The following SPATA6L variants were observed in gnomAD, a reference collection of about 807,000 sequenced individuals.
SPATA6L encodes the protein spermatogenesis associated 6 like.
Under a neutral mutation model 49.2 loss-of-function variants are expected in SPATA6L, and 68 were observed. The ratio of observed to expected loss-of-function variants is 1.38; its 90% CI spans 1.14 to 1.69. The LOEUF is 1.69. Among genes scored for constraint, SPATA6L ranks in the 40% most tolerant of loss-of-function variants. The pLI is 0.00. For missense variants in SPATA6L, 668 were observed against 464.3 expected (o/e 1.44, Z -4.03); for synonymous variants, 198 against 165.7 (o/e 1.19, Z -1.50).
intron 3 of SPATA6L, among the ~76,000 whole-genome samples, chr9:4,653,809 C>G (rs537144464): frequency 6.6e-6 from 1 of 152,078 alleles, no homozygotes; most frequent in South Asian, 2.1e-4. Context: ...TGGTGCTGTG[C>G]GCCTATAGTC....
downstream of SPATA6L, among the ~76,000 whole-genome samples, chr9:4,595,498 A>G (rs573162722): frequency 3.3e-5 from 5 of 152,284 alleles, no homozygotes; most frequent in African/African-American, 1.2e-4. Context: ...ACGGCTTCTT[A>G]TTGTCTACAG....
chr9:4,618,759 TA>T, intron 8 of SPATA6L, 104 bp downstream of exon 8: 1 of 1,047,520 alleles, frequency 9.5e-7, no homozygotes, highest in Non-Finnish European at 1.4e-6. Flanking sequence ...CAATTCCACC[TA>T]AGCAGACTAA....
intron 9 of SPATA6L, among the ~76,000 whole-genome samples, chr9:4,615,849 G>A (rs1440249346): frequency 1.3e-5 from 2 of 152,188 alleles, no homozygotes; most frequent in African/African-American, 2.4e-5. Flanking sequence ...AGGAGTTTGG[G>A]AGGTGTTATA....
At chr9:4,622,571 G>C in intron 6 of SPATA6L, 61 bp from the exon 7 acceptor site, 1 of 1,164,744 alleles carries the variant, frequency 8.6e-7, no homozygotes, top group Admixed American at 2.0e-5. Flanking sequence ...CCCTCCCCTC[G>C]TTACCGGAAT....
At position 4,643,395 on chromosome 9, in the gene SPATA6L, T is replaced by C. The variant is rs79126975; in HGVS notation, c.227-7996A>G. On this transcript the variant is annotated intron_variant, in intron 3 of 11. Coordinates refer to ENST00000682582, the MANE Select transcript of SPATA6L (RefSeq NM_001353486.2). ...TGCACTCCTGGATGCAGTAGAAGTA[T>C]TGGAACCTTATTGGGGATCAGTTTA... 3.0e-3 allele frequency among the ~76,000 whole-genome samples: 460 copies of C among 152,300 alleles called. 1 individual carries two copies. Among genetic ancestry groups the C allele is most frequent in the South Asian group, 3.9e-3 (19 of 4,820 alleles).
intron 11 of SPATA6L, among the ~76,000 whole-genome samples, chr9:4,601,368 GT>G (rs34602065): frequency 1.4e-5 from 2 of 147,072 alleles, no homozygotes; most frequent in African/African-American, 2.5e-5. Flanking sequence ...TTTACGGGAG[GT>G]TTTTTTTTTT....
intron 4 of SPATA6L, among the ~76,000 whole-genome samples, chr9:4,629,565 G>C (rs989652978): frequency 6.6e-6 from 1 of 151,798 alleles, no homozygotes; most frequent in Non-Finnish European, 1.5e-5. Flanking sequence ...AATTGAATGA[G>C]ATTACCTAGA....
intron 3 of SPATA6L, among the ~76,000 whole-genome samples, chr9:4,645,404 G>A (rs890081205): frequency 3.9e-5 from 6 of 152,184 alleles, no homozygotes; most frequent in African/African-American, 1.2e-4. Context: ...TGGAGGCTGA[G>A]AAGTCCATGG....
chr9:4,656,565 C>T (rs1157759376), intron 2 of SPATA6L, among the ~76,000 whole-genome samples: 1 of 152,076 alleles, frequency 6.6e-6, no homozygotes, highest in Non-Finnish European at 1.5e-5. Flanking sequence ...AGTCACATAA[C>T]ATTTTAGAAT....
intron 2 of SPATA6L, among the ~76,000 whole-genome samples, chr9:4,659,427 T>C (rs1839080834): frequency 6.6e-6 from 1 of 151,476 alleles, no homozygotes; most frequent in African/African-American, 2.4e-5. Flanking sequence ...CTATTCACAA[T>C]TGCTTCAAAG....
chr9:4,629,099 T>C lies in SPATA6L; in HGVS notation c.421A>G (p.Arg141Gly). Reference protein sequence around the residue: ...IRECVFLHRNRFLEERHESRR... With the variant: ...IRECVFLHRNGFLEERHESRR... ...ATTTGTATTGTACTTACAAGAAATC[T>C]GTTTCTATGCAGAAACACACATTCT... The change falls in exon 5 of 12, where the codon AGA becomes GGA. Residue 141 changes from arginine to glycine, a missense_variant. Physicochemically the swap from Arg to Gly is moderately radical, Grantham distance 125. Transcript: ENST00000682582. 6.2e-7 allele frequency: 1 copy of C among 1,606,290 alleles called. No individual in the cohort carries two copies. Among genetic ancestry groups the C allele is most frequent in the Non-Finnish European group, 8.5e-7 (1 of 1,175,276 alleles).
At chr9:4,649,911 G>A (rs983841363) in intron 3 of SPATA6L, among the ~76,000 whole-genome samples, 2 of 152,196 alleles carry the variant, frequency 1.3e-5, no homozygotes, top group Non-Finnish European at 2.9e-5. Flanking sequence ...AAAGAGGCTT[G>A]AGAGAATCAG....
intron 3 of SPATA6L, among the ~76,000 whole-genome samples, chr9:4,643,366 G>A (rs956200043): frequency 2.6e-5 from 4 of 152,158 alleles, no homozygotes; most frequent in Non-Finnish European, 5.9e-5. Flanking sequence ...GAAGGGGCAT[G>A]CCATGCACTC....
At chr9:4,646,253 G>C (rs1835349385) in intron 3 of SPATA6L, 1 of 337,528 alleles carries the variant, frequency 3.0e-6, no homozygotes, top group African/African-American at 2.1e-5. Context: ...GAAAGACAAG[G>C]AGTCTGTTTA....
rs140633826 is a variant in SPATA6L at position 4,666,200 on chromosome 9, T to A, written c.39+12A>T. 1 of 1,614,054 alleles carries A rather than the reference T, an allele frequency of 6.2e-7. No homozygotes were observed. The highest frequency in any genetic ancestry group is 1.3e-5 in the African/African-American group (1 of 75,002). On this transcript the variant is annotated intron_variant, in intron 1 of 11. Transcript: ENST00000682582. ...CTTGAGGTTAAGGAGGGGGAGTTCA[T>A]CGATCTCTTACCGCCCGGATCTGCA...
chr9:4,613,455 T>A (rs1827248119), intron 9 of SPATA6L, among the ~76,000 whole-genome samples: 1 of 138,970 alleles, frequency 7.2e-6, no homozygotes, highest in Non-Finnish European at 1.6e-5. Flanking sequence ...TCCAGGGAGA[T>A]AAGACCAACA....
chr9:4,656,435 TGAAA>T (rs1260831757), intron 2 of SPATA6L, among the ~76,000 whole-genome samples: 7 of 112,522 alleles, frequency 6.2e-5, no homozygotes, highest in Non-Finnish European at 8.8e-5. Context: ...TGAGACCCTG[TGAAA>T]GAAAGGAAGG....
intron 11 of SPATA6L, among the ~76,000 whole-genome samples, chr9:4,602,348 C>T (rs1054179535): frequency 2.0e-5 from 3 of 152,052 alleles, no homozygotes; most frequent in Non-Finnish European, 2.9e-5. Flanking sequence ...GTAAATGGCC[C>T]AGAATCCGTC....
At chr9:4,595,846 C>A (rs1346246275), downstream of SPATA6L, among the ~76,000 whole-genome samples, 1 of 152,106 alleles carries the variant, frequency 6.6e-6, no homozygotes, top group Non-Finnish European at 1.5e-5. Context: ...TAAATCAATA[C>A]CATTATTTTA....
Sources: allele counts gnomAD v4.1 joint callset (sites outside exome capture counted in the v4.1 genomes callset), GRCh38; gene constraint gnomAD v4.1.1; transcripts MANE v1.5; gene names NCBI Gene and HGNC (gene_info 2026-07-23, HGNC 2026-07-21).